KIAA0825: variants seen among roughly 807,000 people sequenced by gnomAD.
KIAA0825 encodes uncharacterized protein KIAA0825.
In KIAA0825, 119 loss-of-function variants were observed where a neutral mutation model predicts 147.6. The observed-to-expected ratio is 0.81, with a 90% CI of 0.69 to 0.94. KIAA0825 has a LOEUF of 0.94. Among genes scored for constraint, KIAA0825 ranks in the 40% least tolerant of loss-of-function variants. The pLI is 0.00. For synonymous variants in KIAA0825, 470 were observed against 518.1 expected (o/e 0.91, Z 1.26); for missense variants, 1,381 against 1,472.7 (o/e 0.94, Z 1.02).
chr5:94,556,725 T>C (rs552948244), intron 2 of KIAA0825, among the ~76,000 whole-genome samples: 6 of 152,318 alleles, frequency 3.9e-5, no homozygotes, highest in African/African-American at 1.2e-4. Context: ...ACTATAAACA[T>C]GTCCAAGCTT....
At chr5:94,390,482 G>C (rs1749751572) in intron 18 of KIAA0825, among the ~76,000 whole-genome samples, 1 of 152,222 alleles carries the variant, frequency 6.6e-6, no homozygotes, top group Non-Finnish European at 1.5e-5. Context: ...ACTGACAAGA[G>C]TGAATAGGTT....
At chr5:94,378,741 C>T (rs1476856895) in intron 20 of KIAA0825, among the ~76,000 whole-genome samples, 1 of 152,166 alleles carries the variant, frequency 6.6e-6, no homozygotes, top group Admixed American at 6.5e-5. Context: ...TAAGCATTCC[C>T]TTTTCTTCAT....
At chr5:94,336,940 G>C (rs1781871687) in intron 20 of KIAA0825, among the ~76,000 whole-genome samples, 2 of 152,036 alleles carry the variant, frequency 1.3e-5, no homozygotes, top group Non-Finnish European at 2.9e-5. Flanking sequence ...TCATATGCTA[G>C]GCCATTAAAT....
At chr5:94,575,554 A>G (rs1237302700) in intron 2 of KIAA0825, among the ~76,000 whole-genome samples, 1 of 152,218 alleles carries the variant, frequency 6.6e-6, no homozygotes, top group Admixed American at 6.5e-5. Context: ...TTATAAAATC[A>G]TGTTAAGAGG....
At chr5:94,407,959 G>A (rs908608608) in intron 15 of KIAA0825, among the ~76,000 whole-genome samples, 2 of 152,178 alleles carry the variant, frequency 1.3e-5, no homozygotes, top group Non-Finnish European at 2.9e-5. Flanking sequence ...GACTTTTTCT[G>A]TAAATAGCCA....
intron 17 of KIAA0825, among the ~76,000 whole-genome samples, chr5:94,395,527 T>C (rs1308586533): frequency 2.0e-5 from 3 of 152,122 alleles, no homozygotes; most frequent in Non-Finnish European, 4.4e-5. Flanking sequence ...GTACCACAAA[T>C]CACTTAGCTC....
At chr5:94,165,891 G>A (rs1005197710) in intron 20 of KIAA0825, among the ~76,000 whole-genome samples, 9 of 152,186 alleles carry the variant, frequency 5.9e-5, no homozygotes, top group African/African-American at 2.2e-4. Flanking sequence ...GGTGGGTATA[G>A]TTAATGGGTA....
At chr5:94,441,176 G>C (rs1260968954) in intron 13 of KIAA0825, among the ~76,000 whole-genome samples, 1 of 147,640 alleles carries the variant, frequency 6.8e-6, no homozygotes, top group Non-Finnish European at 1.5e-5. Context: ...TAGACCAATG[G>C]TTTTCAAAGC....
chr5:94,477,300 A>C (rs1301059750), intron 6 of KIAA0825, 95 bp from the exon 7 acceptor site: 1 of 791,556 alleles, frequency 1.3e-6, no homozygotes, highest in African/African-American at 1.8e-5. Flanking sequence ...TTAACTACGT[A>C]GAAAAGTTCT....
At chr5:94,159,688 G>C (rs535869967) in intron 20 of KIAA0825, among the ~76,000 whole-genome samples, 30 of 152,120 alleles carry the variant, frequency 2.0e-4, no homozygotes, top group African/African-American at 7.0e-4. Flanking sequence ...CTACTACTCT[G>C]TTCACCCTAG....
At chr5:94,246,719 A>G (rs1211811949) in intron 20 of KIAA0825, among the ~76,000 whole-genome samples, 2 of 152,138 alleles carry the variant, frequency 1.3e-5, no homozygotes, top group Non-Finnish European at 2.9e-5. Flanking sequence ...TGTGCTAGGT[A>G]TTGATATTTT....
chr5:94,226,976 G>A (rs544698291), intron 20 of KIAA0825, among the ~76,000 whole-genome samples: 137 of 152,302 alleles, frequency 9.0e-4, no homozygotes, highest in African/African-American at 3.2e-3. Flanking sequence ...AACCCTTGTG[G>A]AAGTCAGTGT....
At chr5:94,312,605 A>G (rs769074071) in intron 20 of KIAA0825, among the ~76,000 whole-genome samples, 1 of 151,722 alleles carries the variant, frequency 6.6e-6, no homozygotes, top group Non-Finnish European at 1.5e-5. Flanking sequence ...AATATGGTGT[A>G]AAAAAACTCA....
chr5:94,520,606 T>A lies in KIAA0825; in HGVS notation c.612A>T (p.Pro204=). The change falls in exon 5 of 21, where the codon CCA becomes CCT. Residue 204 remains proline, a synonymous_variant. Coordinates refer to ENST00000682413, the MANE Select transcript of KIAA0825 (RefSeq NM_001145678.3). ...QCLQQLLFLY[P]ESEVIIKYQN... ...GGTATTTGATTATAACTTCTGATTCTGGATAAAGAAACAAGAGTTGTTGTA... is the reference window on the plus strand; with the variant it reads ...GGTATTTGATTATAACTTCTGATTCAGGATAAAGAAACAAGAGTTGTTGTA... 1 of 1,613,376 alleles carries A rather than the reference T, an allele frequency of 6.2e-7. No homozygotes were observed. Among genetic ancestry groups the A allele is most frequent in the East Asian group, 2.2e-5 (1 of 44,860 alleles).
At chr5:94,461,661 G>C (rs1759853077) in intron 12 of KIAA0825, among the ~76,000 whole-genome samples, 2 of 151,750 alleles carry the variant, frequency 1.3e-5, no homozygotes, top group Admixed American at 6.6e-5. Flanking sequence ...ATTAAGATTT[G>C]TATGTCGCTT....
At chr5:94,194,003 A>G (rs1490028265) in intron 20 of KIAA0825, among the ~76,000 whole-genome samples, 2 of 152,180 alleles carry the variant, frequency 1.3e-5, no homozygotes, top group African/African-American at 4.8e-5. Flanking sequence ...GATAGGGAAG[A>G]GCAGAATCAT....
Position 94,152,563 on chromosome 5 carries a change from A to G in KIAA0825, c.*1444T>C, listed in dbSNP as rs1479079893. Among the ~76,000 whole-genome samples the G allele has an allele frequency of 1.3e-5, 2 of 151,238 alleles. No individual in the cohort carries two copies. The highest frequency in any genetic ancestry group is 2.9e-5 in the Non-Finnish European group (2 of 67,842). On this transcript the variant is annotated 3_prime_UTR_variant, in exon 21 of 21. Coordinates refer to ENST00000682413, the MANE Select transcript of KIAA0825 (RefSeq NM_001145678.3). ...AAATTAACCAGGTGTGGTGGCACAC[A>G]ACTGTAGTTCTAGCTAGGTGGGAGA...
chr5:94,156,050 T>C (rs935753960), intron 20 of KIAA0825, among the ~76,000 whole-genome samples: 1 of 152,208 alleles, frequency 6.6e-6, no homozygotes, highest in Non-Finnish European at 1.5e-5. Context: ...GAAAATACTT[T>C]TATATAGCAT....
intron 5 of KIAA0825, among the ~76,000 whole-genome samples, chr5:94,509,019 T>A (rs1342537462): frequency 6.6e-6 from 1 of 152,220 alleles, no homozygotes; most frequent in African/African-American, 2.4e-5. Context: ...CACAGCTGCC[T>A]GTGACATAGC....
Sources: allele counts gnomAD v4.1 joint callset (sites outside exome capture counted in the v4.1 genomes callset), GRCh38; gene constraint gnomAD v4.1.1; transcripts MANE v1.5; gene names NCBI Gene and HGNC (gene_info 2026-07-23, HGNC 2026-07-21).